UHRF1: variants seen among roughly 807,000 people sequenced by gnomAD.
The protein encoded by UHRF1 is ubiquitin like with PHD and ring finger domains 1.
Under a neutral mutation model 96.5 loss-of-function variants are expected in UHRF1, and 9 were observed. The ratio of observed to expected loss-of-function variants is 0.09; its 90% CI spans 0.06 to 0.16. UHRF1 has a LOEUF of 0.16. Among genes scored for constraint, UHRF1 ranks in the 10% least tolerant of loss-of-function variants. UHRF1 has a pLI of 1.00. For missense variants in UHRF1, 626 were observed against 1,131.1 expected (o/e 0.55, Z 6.40); for synonymous variants, 455 against 469.9 (o/e 0.97, Z 0.41).
rs59654364 is a variant in UHRF1, at chr19:4,957,297, G to GT, written c.2235+511dup. On this transcript the variant is annotated intron_variant, in intron 16 of 16. Coordinates refer to ENST00000650932, the MANE Select transcript of UHRF1 (RefSeq NM_001048201.3). ...GAGGGACACAAGATCCCAGCTGATG[G>GT]TTTTTTTTTTTTTTTTTTTTTTTTT... Among the ~76,000 whole-genome samples the GT allele has an allele frequency of 3.0e-3, 153 of 51,090 alleles. 14 individuals are homozygous for GT. The highest frequency in any genetic ancestry group is 7.8e-3 in the African/African-American group (101 of 12,920). 33.5% of individuals were successfully genotyped at this position (51,090 alleles called of 152,430 possible). A position where few individuals can be genotyped will look rare whatever the true frequency, so the allele number is the denominator to read the frequency against.
Position 4,954,779 on chromosome 19 carries a change from A to G in UHRF1, c.2087A>G (p.Glu696Gly), listed in dbSNP as rs774154612. ...AAGAGCAACGCCAAGCTGTGGAATG[A>G]GGTCCTGGCGTCACTCAAGGACCGG... ...EDKSNAKLWN[E>G]VLASLKDRPA... The change falls in exon 15 of 17, where the codon GAG becomes GGG. Residue 696 changes from glutamate to glycine, a missense_variant. Transcript: ENST00000650932. The surrounding 1 kb of genome is among the most constrained non-coding windows in gnomAD (Gnocchi z 5.9). 1.2e-6 allele frequency: 2 copies of G among 1,613,886 alleles called. No homozygotes were observed. Among genetic ancestry groups the G allele is most frequent in the South Asian group, 2.2e-5 (2 of 91,080 alleles).
At chr19:4,948,908 T>A (rs17881971) in intron 11 of UHRF1, among the ~76,000 whole-genome samples, 1 of 144,970 alleles carries the variant, frequency 6.9e-6, no homozygotes, top group South Asian at 2.1e-4. Flanking sequence ...CGGATCACGA[T>A]GTCAGGAGAT....
intron 7 of UHRF1, among the ~76,000 whole-genome samples, chr19:4,942,768 A>G (rs2033445834): frequency 6.6e-6 from 1 of 152,062 alleles, no homozygotes; most frequent in African/African-American, 2.4e-5. Context: ...CCATTTCTAC[A>G]AAAAATGTAA....
chr19:4,937,293 CTTTT>C (rs11411657), intron 5 of UHRF1, among the ~76,000 whole-genome samples: 2 of 125,438 alleles, frequency 1.6e-5, no homozygotes, highest in Non-Finnish European at 1.6e-5. Flanking sequence ...AGATGGGCCA[CTTTT>C]TTTTTTTTTT....
chr19:4,955,335 C>T lies in UHRF1; in HGVS notation c.2130+513C>T, dbSNP rs904167513. ...CAAGGTCTAGAGGCACTGTATCCCTCGGCTCGGGGCCCCTTCCTCCCCCTT... is the reference window on the plus strand; with the variant it reads ...CAAGGTCTAGAGGCACTGTATCCCTTGGCTCGGGGCCCCTTCCTCCCCCTT... On this transcript the variant is annotated intron_variant, in intron 15 of 16. Coordinates refer to ENST00000650932, the MANE Select transcript of UHRF1 (RefSeq NM_001048201.3). Among the ~76,000 whole-genome samples, 4 of 152,114 alleles carry T rather than the reference C, an allele frequency of 2.6e-5. No individual in the cohort carries two copies. The South Asian group carries it at 6.2e-4, about 24-fold the overall frequency.
intron 2 of UHRF1, 106 bp downstream of exon 2, chr19:4,911,144 G>A (rs1599234770): frequency 1.8e-6 from 2 of 1,107,306 alleles, no homozygotes; most frequent in Non-Finnish European, 1.2e-6. Flanking sequence ...CAACAACCTC[G>A]TCCGGTCCCA....
chr19:4,929,077 C>CCCAGGTAT, intron 2 of UHRF1, 145 bp from the exon 3 acceptor site: 1 of 1,190,428 alleles, frequency 8.4e-7, no homozygotes, highest in Non-Finnish European at 1.2e-6. Context: ...CCTGGCATGG[C>CCCAGGTAT]CCAGGTATCA....
intron 5 of UHRF1, among the ~76,000 whole-genome samples, chr19:4,933,957 T>TTGTG (rs753933265): frequency 0.14 from 13,751 of 97,616 alleles, 838 homozygotes; most frequent in Admixed American, 0.21. Context: ...CCTTGCCTCT[T>TTGTG]TGTGTGTGTG....
intron 5 of UHRF1, among the ~76,000 whole-genome samples, chr19:4,940,507 C>T (rs2033360853): frequency 6.6e-6 from 1 of 151,046 alleles, no homozygotes; most frequent in Non-Finnish European, 1.5e-5. Flanking sequence ...GCTGGGATTA[C>T]AGGCACGGGC....
rs2145212215 is a variant in UHRF1, at chr19:4,954,233, G to A, written c.1819-117G>A. On this transcript the variant is annotated intron_variant, in intron 13 of 16. Coordinates refer to ENST00000650932, the MANE Select transcript of UHRF1 (RefSeq NM_001048201.3). The surrounding 1 kb of genome is among the most constrained non-coding windows in gnomAD (Gnocchi z 5.9). ...GAGGACTACCCTGTGCTCTTCAGGGGGATTGGGGGTCAGGTGTGTCTGGAA... is the reference window on the plus strand; with the variant it reads ...GAGGACTACCCTGTGCTCTTCAGGGAGATTGGGGGTCAGGTGTGTCTGGAA... The A allele has an allele frequency of 2.0e-6, 3 of 1,479,256 alleles. No homozygotes were observed. The East Asian group carries it at 7.4e-5, about 37-fold the overall frequency. The allele number at this position is 1,479,256 out of a possible 1,614,324, so 91.6% of individuals were successfully genotyped here.
intron 5 of UHRF1, among the ~76,000 whole-genome samples, chr19:4,935,199 C>T (rs948340771): frequency 6.6e-6 from 1 of 152,130 alleles, no homozygotes; most frequent in African/African-American, 2.4e-5. Flanking sequence ...AACTCCTGAC[C>T]TCAGGCGATC....
At chr19:4,918,907 A>G (rs1193992722) in intron 2 of UHRF1, among the ~76,000 whole-genome samples, 2 of 151,312 alleles carry the variant, frequency 1.3e-5, no homozygotes, top group Non-Finnish European at 2.9e-5. Flanking sequence ...ATTTTTATAG[A>G]GATGGGTTCC....
chr19:4,910,913 G>A lies in UHRF1; in HGVS notation c.28G>A (p.Gly10Arg). The A allele has an allele frequency of 6.2e-7, 1 of 1,612,866 alleles. No individual in the cohort carries two copies. Among genetic ancestry groups the A allele is most frequent in the Non-Finnish European group, 8.5e-7 (1 of 1,179,162 alleles). The change falls in exon 2 of 17, where the codon GGG becomes AGG. Residue 10 changes from glycine to arginine, a missense_variant. Transcript: ENST00000650932. ...GTGGATCCAGGTTCGGACCATGGAC[G>A]GGAGGCAGACCCACACGGTGGACTC... is the stretch of plus-strand genomic sequence containing the variant. MWIQVRTMDGRQTHTVDSLS... is the reference protein window; with the variant it reads MWIQVRTMDRRQTHTVDSLS...
At chr19:4,939,126 C>T (rs1301752436) in intron 5 of UHRF1, among the ~76,000 whole-genome samples, 1 of 151,540 alleles carries the variant, frequency 6.6e-6, no homozygotes, top group African/African-American at 2.4e-5. Context: ...CCATGTTGGC[C>T]AGGCTGGTCT....
At chr19:4,927,825 C>T (rs2146324503) in intron 2 of UHRF1, among the ~76,000 whole-genome samples, 1 of 152,302 alleles carries the variant, frequency 6.6e-6, no homozygotes, top group South Asian at 2.1e-4. Context: ...TAATGTCAGC[C>T]ATGCTTAGGT....
chr19:4,917,650 CTCAAA>C (rs990382388), intron 2 of UHRF1, among the ~76,000 whole-genome samples: 3 of 93,732 alleles, frequency 3.2e-5, no homozygotes, highest in African/African-American at 1.5e-4. Flanking sequence ...GAGACTCCGT[CTCAAA>C]AAAAAAAAAA....
chr19:4,959,953 C>T lies in UHRF1; in HGVS notation c.2236-704C>T, dbSNP rs922872376. On this transcript the variant is annotated intron_variant, in intron 16 of 16. Coordinates refer to ENST00000650932, the MANE Select transcript of UHRF1 (RefSeq NM_001048201.3). ...TCAGCTCACTGCAACCTCCGCCTCC[C>T]GGGTTCAAGCCATTCTCTTGCCTTA... Among the ~76,000 whole-genome samples, 18 of 152,358 alleles carry T rather than the reference C, an allele frequency of 1.2e-4. No individual in the cohort carries two copies. In the South Asian group the frequency reaches 2.1e-3, roughly 18 times the overall value.
intron 1 of UHRF1, chr19:4,910,357 A>AGGGGGGGCCGGCAAGGAG (rs2032213845): frequency 2.2e-5 from 1 of 45,036 alleles, no homozygotes. Flanking sequence ...GCCGGCAAGG[A>AGGGGGGGCCGGCAAGGAG]GGGGGGGCGT....
At chr19:4,936,478 G>A (rs1300770438) in intron 5 of UHRF1, among the ~76,000 whole-genome samples, 2 of 152,126 alleles carry the variant, frequency 1.3e-5, no homozygotes, top group African/African-American at 4.8e-5. Context: ...CAGATAGGTG[G>A]CTGAGCCCCA....
Sources: allele counts gnomAD v4.1 joint callset (sites outside exome capture counted in the v4.1 genomes callset), GRCh38; gene constraint gnomAD v4.1.1; non-coding constraint Gnocchi (gnomAD v3.1); transcripts MANE v1.5; gene names NCBI Gene and HGNC (gene_info 2026-07-23, HGNC 2026-07-21).